CCSER1: variants seen among roughly 807,000 people sequenced by gnomAD.
CCSER1 encodes the protein coiled-coil serine rich protein 1.
CCSER1 carries 41 observed loss-of-function variants against 82.0 expected under a neutral mutation model. That is an observed-to-expected ratio of 0.50 (90% CI 0.39 to 0.65). The LOEUF is 0.65. CCSER1 is among the 30% of genes least tolerant of loss of function. The pLI, the probability that CCSER1 is intolerant of heterozygous loss-of-function variation, is 0.00. For missense variants in CCSER1, 1,119 were observed against 1,064.2 expected, an observed-to-expected ratio of 1.05 and a Z score of -0.72; for synonymous variants, 414 against 383.9, an observed-to-expected ratio of 1.08 and a Z score of -0.92.
intron 8 of CCSER1, among the ~76,000 whole-genome samples, chr4:90,883,795 A>C (rs756375473): frequency 1.5e-4 from 23 of 152,128 alleles, no homozygotes; most frequent in Non-Finnish European, 3.2e-4. Flanking sequence ...TCTGAAGGCT[A>C]TAGGGTGAAA....
intron 10 of CCSER1, among the ~76,000 whole-genome samples, chr4:91,197,251 A>G (rs1735518863): frequency 6.6e-6 from 1 of 152,186 alleles, no homozygotes. Flanking sequence ...CTTTCTCCCC[A>G]TATAAGGCTT....
At chr4:90,300,996 A>T (rs903560277) in intron 1 of CCSER1, among the ~76,000 whole-genome samples, 6 of 150,542 alleles carry the variant, frequency 4.0e-5, no homozygotes, top group Non-Finnish European at 8.9e-5. Flanking sequence ...TAGTTAATTA[A>T]TTTTTTTTTC....
chr4:90,977,786 C>T (rs900389737), intron 9 of CCSER1, among the ~76,000 whole-genome samples: 10 of 151,594 alleles, frequency 6.6e-5, no homozygotes, highest in African/African-American at 2.4e-4. Flanking sequence ...GCTGGGATAT[C>T]GACTCCATCA....
chr4:90,709,946 G>GTTT (rs200510091), intron 6 of CCSER1, among the ~76,000 whole-genome samples: 15,407 of 134,758 alleles, frequency 0.11, 963 homozygotes, highest in East Asian at 0.23. Context: ...GCCAGCATCT[G>GTTT]TTTTTTTTTT....
intron 5 of CCSER1, among the ~76,000 whole-genome samples, chr4:90,479,620 T>C (rs1765621433): frequency 6.6e-6 from 1 of 152,032 alleles, no homozygotes; most frequent in East Asian, 1.9e-4. Flanking sequence ...AGTGAGAATA[T>C]GCGGTGTTTG....
intron 1 of CCSER1, among the ~76,000 whole-genome samples, chr4:90,218,997 T>C (rs1251160311): frequency 1.3e-5 from 2 of 152,174 alleles, no homozygotes; most frequent in Non-Finnish European, 2.9e-5. Flanking sequence ...GGGTTTGGAA[T>C]TTGACCTAAG....
intron 1 of CCSER1, among the ~76,000 whole-genome samples, chr4:90,227,181 A>G (rs1170910508): frequency 3.3e-5 from 5 of 152,306 alleles, no homozygotes; most frequent in Non-Finnish European, 7.4e-5. Context: ...AGCAAGGTAC[A>G]GTTGAGAGAA....
chr4:90,418,760 C>A (rs1022482857), intron 4 of CCSER1, among the ~76,000 whole-genome samples: 9 of 152,006 alleles, frequency 5.9e-5, no homozygotes, highest in African/African-American at 2.2e-4. Flanking sequence ...AAGTTATGGG[C>A]ATCACTTAAT....
Position 90,853,433 on chromosome 4 carries a change from A to G in CCSER1, c.2094+37588A>G, listed in dbSNP as rs144800641. Among the ~76,000 whole-genome samples the G allele has an allele frequency of 4.5e-3, 681 of 152,314 alleles. 5 individuals carry two copies. The highest frequency in any genetic ancestry group is 0.015 in the African/African-American group (644 of 41,588). Reference sequence around the variant, plus strand: ...AATAAAAGTACAAGAAAATCAGACAAGATGTAAATATAAGCAGAATCATGA... The same window carrying G: ...AATAAAAGTACAAGAAAATCAGACAGGATGTAAATATAAGCAGAATCATGA... On this transcript the variant is annotated intron_variant, in intron 8 of 10. Transcript: ENST00000509176.
chr4:90,929,583 A>G (rs1729475995), intron 9 of CCSER1, among the ~76,000 whole-genome samples: 1 of 152,216 alleles, frequency 6.6e-6, no homozygotes, highest in African/African-American at 2.4e-5. Context: ...TGCAGTGACT[A>G]CATAGAATTA....
intron 10 of CCSER1, among the ~76,000 whole-genome samples, chr4:91,507,197 A>T (rs1444523032): frequency 6.6e-6 from 1 of 152,140 alleles, no homozygotes; most frequent in Non-Finnish European, 1.5e-5. Context: ...ATTCTGATGA[A>T]CTGCCAAGCT....
At chr4:90,266,559 G>C (rs921678718) in intron 1 of CCSER1, among the ~76,000 whole-genome samples, 2 of 152,042 alleles carry the variant, frequency 1.3e-5, no homozygotes, top group African/African-American at 4.8e-5. Flanking sequence ...GCTAAAAGAG[G>C]CACTGAAGAT....
In CCSER1 at chr4:91,411,491, C is replaced by T. The variant is rs7686196; in HGVS notation, c.2218-187081C>T. On this transcript the variant is annotated intron_variant, in intron 10 of 10. Transcript: ENST00000509176. ...TAATCACTAAATTTCTGCATATATA[C>T]ATATATATATATATATATATATATA... 2.8e-3 allele frequency among the ~76,000 whole-genome samples: 151 copies of T among 53,700 alleles called. 1 individual carries two copies. Among genetic ancestry groups the T allele is most frequent in the African/African-American group, 8.6e-3 (108 of 12,526 alleles). 35.2% of individuals were successfully genotyped at this position (53,700 alleles called of 152,430 possible). A position where few individuals can be genotyped will look rare whatever the true frequency, so the allele number is the denominator to read the frequency against.
Position 90,933,003 on chromosome 4 carries a change from A to G in CCSER1, c.2172+9556A>G, listed in dbSNP as rs1377162439. On this transcript the variant is annotated intron_variant, in intron 9 of 10. Coordinates refer to ENST00000509176, the MANE Select transcript of CCSER1 (RefSeq NM_001145065.2). ...GAAAGAGAAAGAAAGAAAGAAAGAA[A>G]GAAAGAAAGAAAGAAAGAAAGAAAG... Among the ~76,000 whole-genome samples, 9 of 56,832 alleles carry G rather than the reference A, an allele frequency of 1.6e-4. 1 individual carries two copies. The highest frequency in any genetic ancestry group is 2.3e-4 in the Non-Finnish European group (7 of 31,022). The allele number at this position is 56,832 out of a possible 152,430, so 37.3% of individuals were successfully genotyped here.
chr4:91,406,741 TAAATA>T (rs1331688276), intron 10 of CCSER1, among the ~76,000 whole-genome samples: 1 of 152,226 alleles, frequency 6.6e-6, no homozygotes, highest in Non-Finnish European at 1.5e-5. Context: ...ACATGTTGTA[TAAATA>T]AAATATTCTG....
At chr4:90,844,388 C>T (rs1762947526) in intron 8 of CCSER1, among the ~76,000 whole-genome samples, 1 of 152,056 alleles carries the variant, frequency 6.6e-6, no homozygotes, top group Non-Finnish European at 1.5e-5. Context: ...AATACTATTA[C>T]CACTAAAGAA....
At chr4:90,818,426 C>T (rs752937064) in intron 8 of CCSER1, among the ~76,000 whole-genome samples, 6 of 151,964 alleles carry the variant, frequency 3.9e-5, no homozygotes, top group South Asian at 2.1e-4. Context: ...CACAGGCACA[C>T]GCCACAGTGC....
intron 6 of CCSER1, among the ~76,000 whole-genome samples, chr4:90,698,532 C>A (rs1000107595): frequency 1.3e-5 from 2 of 152,128 alleles, no homozygotes; most frequent in Non-Finnish European, 2.9e-5. Flanking sequence ...CTTTTCCATG[C>A]ATTTCGTCAT....
rs948044019 is a variant in CCSER1 at position 91,110,195 on chromosome 4, T to TA, written c.2217+24210dup. On this transcript the variant is annotated intron_variant, in intron 10 of 10. Transcript: ENST00000509176. Reference sequence around the variant, plus strand: ...CTTTATATTCTAGAAAAATGGAATTTAAAAAAAAATTAACACATTTGTTGA... The same window carrying TA: ...CTTTATATTCTAGAAAAATGGAATTTAAAAAAAAAATTAACACATTTGTTGA... Among the ~76,000 whole-genome samples, 36 of 151,486 alleles carry TA rather than the reference T, an allele frequency of 2.4e-4. 2 individuals carry two copies. In the South Asian group the frequency reaches 6.5e-3, roughly 27 times the overall value.
Sources: gnomAD v4.1 joint callset for allele counts (sites outside exome capture counted in the v4.1 genomes callset) on GRCh38, gnomAD v4.1.1 for gene constraint, MANE v1.5 for transcripts, NCBI Gene and HGNC (gene_info 2026-07-23, HGNC 2026-07-21) for gene names.